The following PTPRD variants were observed in gnomAD, a reference collection of about 807,000 sequenced individuals.
The protein encoded by PTPRD is protein tyrosine phosphatase receptor type D.
Under a neutral mutation model 214.5 loss-of-function variants are expected in PTPRD, and 34 were observed. That is an observed-to-expected ratio of 0.16 (90% CI 0.12 to 0.21). The LOEUF is 0.21. Among genes scored for constraint, PTPRD ranks in the 10% least tolerant of loss-of-function variants. The pLI, the probability that PTPRD is intolerant of heterozygous loss-of-function variation, is 1.00. For missense variants in PTPRD, 2,545 were observed against 2,398.7 expected, an observed-to-expected ratio of 1.06 and a Z score of -1.27; for synonymous variants, 1,128 against 845.7, an observed-to-expected ratio of 1.33 and a Z score of -5.79.
intron 7 of PTPRD, among the ~76,000 whole-genome samples, chr9:9,706,997 A>G (rs1439222408): frequency 6.6e-6 from 1 of 152,196 alleles, no homozygotes; most frequent in East Asian, 1.9e-4. Context: ...GAATAAGTTA[A>G]AAGTATAGAA....
chr9:8,772,829 T>C (rs1340315112), intron 11 of PTPRD, among the ~76,000 whole-genome samples: 1 of 152,152 alleles, frequency 6.6e-6, no homozygotes, highest in African/African-American at 2.4e-5. Context: ...AATTTTATTT[T>C]GGGGGTGCTA....
At chr9:9,291,060 T>G (rs1950991822) in intron 9 of PTPRD, among the ~76,000 whole-genome samples, 1 of 151,482 alleles carries the variant, frequency 6.6e-6, no homozygotes, top group South Asian at 2.1e-4. Context: ...ATATTTCTTC[T>G]TAAAATTTGG....
At chr9:10,305,805 C>G (rs532575804) in intron 3 of PTPRD, among the ~76,000 whole-genome samples, 1 of 152,192 alleles carries the variant, frequency 6.6e-6, no homozygotes, top group African/African-American at 2.4e-5. Flanking sequence ...GAAATAGGAA[C>G]ACTTTTACAC....
intron 2 of PTPRD, among the ~76,000 whole-genome samples, chr9:10,523,757 A>G (rs2053341986): frequency 6.6e-6 from 1 of 151,276 alleles, no homozygotes. Context: ...ATTACTTTTG[A>G]AAATAAATGA....
chr9:10,363,685 T>A lies in PTPRD; in HGVS notation c.-599-22668A>T, dbSNP rs1049738895. Among the ~76,000 whole-genome samples, 6 of 152,120 alleles carry A rather than the reference T, an allele frequency of 3.9e-5. No individual in the cohort carries two copies. The East Asian group carries it at 9.6e-4, about 24-fold the overall frequency. Reference sequence around the variant, plus strand: ...AAATGCAAAATCATCCACGTCAACATTTTTTTGGATTCATTCATGATTCCA... The same window carrying A: ...AAATGCAAAATCATCCACGTCAACAATTTTTTGGATTCATTCATGATTCCA... On this transcript the variant is annotated intron_variant, in intron 2 of 45. Transcript: ENST00000381196.
chr9:10,259,388 T>A (rs1007861910), intron 3 of PTPRD, among the ~76,000 whole-genome samples: 23 of 152,150 alleles, frequency 1.5e-4, no homozygotes, highest in African/African-American at 5.6e-4. Flanking sequence ...GTGGTCATCA[T>A]TTGATTGCTG....
chr9:9,698,635 T>C (rs550244073), intron 7 of PTPRD, among the ~76,000 whole-genome samples: 3 of 152,298 alleles, frequency 2.0e-5, no homozygotes, highest in Admixed American at 2.0e-4. Flanking sequence ...TCTGGCTGTC[T>C]TCAGGGATAT....
chr9:10,230,436 G>GTATCTGTC (rs2099605054), intron 3 of PTPRD, among the ~76,000 whole-genome samples: 1 of 140,636 alleles, frequency 7.1e-6, no homozygotes, highest in Non-Finnish European at 1.5e-5. Flanking sequence ...ATGTATCTAT[G>GTATCTGTC]TATCTATCTA....
At chr9:9,560,607 C>T (rs2082665884) in intron 8 of PTPRD, among the ~76,000 whole-genome samples, 2 of 152,174 alleles carry the variant, frequency 1.3e-5, no homozygotes, top group Non-Finnish European at 1.5e-5. Flanking sequence ...GCCTCAGGGG[C>T]TGAAGACCCA....
chr9:8,457,593 T>C (rs1235384526), intron 33 of PTPRD, among the ~76,000 whole-genome samples: 1 of 151,992 alleles, frequency 6.6e-6, no homozygotes, highest in Non-Finnish European at 1.5e-5. Context: ...AGTCTCAAAG[T>C]CTCCTCAGAC....
At position 8,381,862 on chromosome 9, in the gene PTPRD, T is replaced by A. The variant is rs751129735; in HGVS notation, c.4387-5136A>T. ...CTTCCCCCATTAAACTGAAAGTCAT[T>A]AAGTCTCAAGTTTCTGGCACTTTGT... On this transcript the variant is annotated intron_variant, in intron 37 of 45. Transcript: ENST00000381196. Among the ~76,000 whole-genome samples the A allele has an allele frequency of 1.1e-3, 165 of 152,290 alleles. 1 individual carries two copies. Among genetic ancestry groups the A allele is most frequent in the Non-Finnish European group, 9.7e-4 (66 of 68,028 alleles).
intron 30 of PTPRD, among the ~76,000 whole-genome samples, chr9:8,481,972 G>A (rs1456983040): frequency 2.0e-5 from 3 of 151,904 alleles, no homozygotes; most frequent in Non-Finnish European, 2.9e-5. Flanking sequence ...CAGTAGAGAC[G>A]GGGTTTTGCC....
At chr9:10,128,139 C>T (rs1161638389) in intron 3 of PTPRD, among the ~76,000 whole-genome samples, 1 of 152,122 alleles carries the variant, frequency 6.6e-6, no homozygotes, top group East Asian at 1.9e-4. Flanking sequence ...TTCTGTATCA[C>T]TTCCCTTCCA....
chr9:8,407,383 C>T (rs147215315), intron 35 of PTPRD, among the ~76,000 whole-genome samples: 11 of 152,152 alleles, frequency 7.2e-5, no homozygotes, highest in South Asian at 2.1e-4. Flanking sequence ...GGGCCTACTT[C>T]GTGACAGGCT....
At position 9,077,057 on chromosome 9, in the gene PTPRD, G is replaced by A. The variant is rs12351347; in HGVS notation, c.-142-58322C>T. Among the ~76,000 whole-genome samples, 861 of 151,886 alleles carry A rather than the reference G, an allele frequency of 5.7e-3. 14 individuals carry two copies. Among genetic ancestry groups the A allele is most frequent in the African/African-American group, 0.018 (764 of 41,450 alleles). Reference sequence around the variant, plus strand: ...TTGCATTTCTCTGATGGTCAATGATGTTGAGCACCTTTTCATATACCTGTT... The same window carrying A: ...TTGCATTTCTCTGATGGTCAATGATATTGAGCACCTTTTCATATACCTGTT... On this transcript the variant is annotated intron_variant, in intron 10 of 45. Coordinates refer to ENST00000381196, the MANE Select transcript of PTPRD (RefSeq NM_002839.4).
At chr9:8,416,092 T>G (rs1408195326) in intron 35 of PTPRD, among the ~76,000 whole-genome samples, 1 of 152,022 alleles carries the variant, frequency 6.6e-6, no homozygotes, top group East Asian at 1.9e-4. Flanking sequence ...ATATTTCCCC[T>G]GAACACATGT....
At chr9:9,168,876 T>TA (rs1245828386) in intron 10 of PTPRD, among the ~76,000 whole-genome samples, 3 of 151,810 alleles carry the variant, frequency 2.0e-5, no homozygotes, top group Admixed American at 6.6e-5. Context: ...TAGATTTTTT[T>TA]AAAAAATATT....
At chr9:8,541,016 A>C (rs1415014858) in intron 14 of PTPRD, among the ~76,000 whole-genome samples, 1 of 152,178 alleles carries the variant, frequency 6.6e-6, no homozygotes, top group Non-Finnish European at 1.5e-5. Context: ...AAAAGATCAA[A>C]ATCTTAAAAC....
chr9:9,381,518 A>G (rs1214990666), intron 9 of PTPRD, among the ~76,000 whole-genome samples: 2 of 151,342 alleles, frequency 1.3e-5, no homozygotes, highest in African/African-American at 4.8e-5. Flanking sequence ...GCACCACCAT[A>G]CCCGGCTAAT....
Sources: allele counts gnomAD v4.1 joint callset (sites outside exome capture counted in the v4.1 genomes callset), GRCh38; gene constraint gnomAD v4.1.1; transcripts MANE v1.5; gene names NCBI Gene and HGNC (gene_info 2026-07-23, HGNC 2026-07-21).